Variants in ZNF521 observed in about 807,000 individuals in gnomAD.
ZNF521 encodes the protein LYST-interacting protein 3.
In ZNF521, 14 loss-of-function variants were observed where a neutral mutation model predicts 105.5. The observed-to-expected ratio is 0.13, with a 90% CI of 0.09 to 0.21. ZNF521 has a LOEUF of 0.21. Ranked by LOEUF, ZNF521 falls within the 10% of genes least tolerant of loss-of-function variation. ZNF521 has a pLI of 1.00. For missense variants in ZNF521, 1,233 were observed against 1,629.7 expected (o/e 0.76, Z 4.19); for synonymous variants, 635 against 606.0 (o/e 1.05, Z -0.70).
intron 3 of ZNF521, among the ~76,000 whole-genome samples, chr18:25,259,849 T>C (rs1347899167): frequency 6.6e-6 from 1 of 151,774 alleles, no homozygotes; most frequent in African/African-American, 2.4e-5. Context: ...CCCCTTAAAC[T>C]AAAAGGAAGA....
chr18:25,154,873 G>A (rs778253361), intron 5 of ZNF521, among the ~76,000 whole-genome samples: 10 of 152,070 alleles, frequency 6.6e-5, no homozygotes, highest in Non-Finnish European at 1.0e-4. Context: ...ATATCTTTAC[G>A]AGGTGGTGAT....
At chr18:25,351,968 G>A (rs1914813530) in intron 1 of ZNF521, 37 bp downstream of exon 1, 3 of 369,332 alleles carry the variant, frequency 8.1e-6, no homozygotes, top group Admixed American at 2.7e-5. Flanking sequence ...AGGAGGAGGA[G>A]AAGGAGTGTG....
At chr18:25,189,128 G>A (rs907944947) in intron 5 of ZNF521, among the ~76,000 whole-genome samples, 2 of 152,112 alleles carry the variant, frequency 1.3e-5, no homozygotes, top group African/African-American at 4.8e-5. Flanking sequence ...AAAGAATCAC[G>A]ATGAGCTCTT....
chr18:25,212,671 C>T (rs572595928), intron 4 of ZNF521, among the ~76,000 whole-genome samples: 2 of 149,116 alleles, frequency 1.3e-5, no homozygotes, highest in East Asian at 2.0e-4. Context: ...ATTGAGTCTT[C>T]CTATAACTTC....
intron 3 of ZNF521, among the ~76,000 whole-genome samples, chr18:25,272,338 G>A (rs1481436351): frequency 7.9e-5 from 12 of 152,190 alleles, no homozygotes; most frequent in Admixed American, 7.2e-4. Flanking sequence ...TTCAACCATT[G>A]TGGAAGACAG....
At chr18:25,181,065 A>C (rs992861816) in intron 5 of ZNF521, among the ~76,000 whole-genome samples, 7 of 152,002 alleles carry the variant, frequency 4.6e-5, no homozygotes, top group African/African-American at 1.7e-4. Context: ...CTATCCCCCA[A>C]AGGCCTCAGC....
At chr18:25,158,023 G>A (rs2035179544) in intron 5 of ZNF521, among the ~76,000 whole-genome samples, 1 of 152,092 alleles carries the variant, frequency 6.6e-6, no homozygotes, top group African/African-American at 2.4e-5. Context: ...CAAAGTGCTG[G>A]GATTACAGGC....
chr18:25,109,729 T>C (rs772593295), intron 5 of ZNF521, among the ~76,000 whole-genome samples: 1 of 152,226 alleles, frequency 6.6e-6, no homozygotes, highest in African/African-American at 2.4e-5. Context: ...GCATGTTTCC[T>C]GGCCACTTGT....
intron 2 of ZNF521, among the ~76,000 whole-genome samples, chr18:25,337,969 A>G (rs1277068055): frequency 6.6e-6 from 1 of 152,170 alleles, no homozygotes; most frequent in Non-Finnish European, 1.5e-5. Context: ...TAGGAAATAT[A>G]TTTAGGAAGG....
chr18:25,289,474 C>T (rs1332057242), intron 3 of ZNF521, among the ~76,000 whole-genome samples: 2 of 152,190 alleles, frequency 1.3e-5, no homozygotes, highest in African/African-American at 4.8e-5. Context: ...GTTTTTATTG[C>T]ATGCTTGCAG....
intron 3 of ZNF521, among the ~76,000 whole-genome samples, chr18:25,288,989 T>G (rs1448443942): frequency 6.6e-6 from 1 of 152,230 alleles, no homozygotes; most frequent in African/African-American, 2.4e-5. Context: ...TTTTTTTAAC[T>G]TTCCTTCTCC....
rs1181328543 is a variant in ZNF521, at chr18:25,226,252, C to T, written c.1666G>A (p.Val556Ile). The T allele has an allele frequency of 1.9e-6, 3 of 1,614,098 alleles. No homozygotes were observed. The highest frequency in any genetic ancestry group is 2.2e-5 in the East Asian group (1 of 44,896). The stretch of plus-strand genomic sequence containing the variant: ...TAGGAACAAGAATAGACTTCTACTA[C>T]TGGTTCTTTGGGAGTCCCAAGCACT... ...SPVLGTPKEP[V>I]VEVYSCSYCT... The change falls in exon 4 of 8, where the codon GTA (valine) becomes ATA (isoleucine). Residue 556 changes from valine (V) to isoleucine (I), a missense_variant. Val to Ile is a conservative substitution (Grantham distance 29). Around this residue, in one of 6 missense-constraint regions of ZNF521, gnomAD observed 380 missense variants for 478.0 expected, o/e 0.80. Coordinates refer to ENST00000361524, the MANE Select transcript of ZNF521 (RefSeq NM_015461.3). This position sits in a 1 kb window ranked among gnomAD's most constrained non-coding sequence, Gnocchi z 4.1.
chr18:25,326,372 A>T (rs1009122372), intron 2 of ZNF521, among the ~76,000 whole-genome samples: 1 of 152,224 alleles, frequency 6.6e-6, no homozygotes, highest in Non-Finnish European at 1.5e-5. Flanking sequence ...GGCAAAAGAA[A>T]GAAAAACTAA....
chr18:25,116,411 A>G (rs573636370), intron 5 of ZNF521, among the ~76,000 whole-genome samples: 2 of 152,320 alleles, frequency 1.3e-5, no homozygotes, highest in African/African-American at 2.4e-5. Context: ...TTATTTAAAA[A>G]TAAACAAACT....
At chr18:25,200,175 T>C (rs970373814) in intron 4 of ZNF521, among the ~76,000 whole-genome samples, 1 of 152,092 alleles carries the variant, frequency 6.6e-6, no homozygotes, top group Admixed American at 6.6e-5. Flanking sequence ...TTTAGGTGCA[T>C]TTCAAAAGGA....
intron 2 of ZNF521, among the ~76,000 whole-genome samples, chr18:25,350,557 T>C (rs1646428107): frequency 1.3e-5 from 2 of 152,082 alleles, no homozygotes; most frequent in South Asian, 4.1e-4. Flanking sequence ...AACTTTTTCC[T>C]CCAGCCCAGA....
chr18:25,162,495 C>T (rs2035268123), intron 5 of ZNF521, among the ~76,000 whole-genome samples: 1 of 152,202 alleles, frequency 6.6e-6, no homozygotes, highest in Non-Finnish European at 1.5e-5. Flanking sequence ...TAAGTTTACT[C>T]ATTCATTCAG....
At chr18:25,258,814 G>A (rs985922528) in intron 3 of ZNF521, among the ~76,000 whole-genome samples, 2 of 151,326 alleles carry the variant, frequency 1.3e-5, no homozygotes, top group African/African-American at 4.9e-5. Flanking sequence ...GGTTTCCTAT[G>A]GGCTGCCTCT....
At chr18:25,182,089 A>G (rs530256712) in intron 5 of ZNF521, among the ~76,000 whole-genome samples, 2 of 152,296 alleles carry the variant, frequency 1.3e-5, no homozygotes, top group East Asian at 3.9e-4. Context: ...CAATTAGAAG[A>G]AGGACATTTT....
Sources: gnomAD v4.1 joint callset for allele counts (sites outside exome capture counted in the v4.1 genomes callset) on GRCh38, gnomAD v4.1.1 for gene constraint, gnomAD v4.1.1 regional missense constraint, Gnocchi (gnomAD v3.1) non-coding constraint, MANE v1.5 for transcripts, NCBI Gene and HGNC (gene_info 2026-07-23, HGNC 2026-07-21) for gene names.